CCDC148: variants seen among roughly 807,000 people sequenced by gnomAD.
The protein encoded by CCDC148 is coiled-coil domain-containing protein 148.
In CCDC148, 89 loss-of-function variants were observed where a neutral mutation model predicts 85.7. The observed-to-expected ratio is 1.04, with a 90% confidence interval of 0.87 to 1.24. CCDC148 has a LOEUF of 1.24. Among genes scored for constraint, CCDC148 ranks in the 50% most tolerant of loss-of-function variants. CCDC148 has a pLI of 0.00. For missense variants in CCDC148, 692 were observed against 671.7 expected (o/e 1.03, Z -0.33); for synonymous variants, 230 against 213.9 (o/e 1.08, Z -0.66).
intron 8 of CCDC148, 121 bp from the exon 9 acceptor site, chr2:158,309,760 A>C: frequency 1.3e-6 from 1 of 768,978 alleles, no homozygotes; most frequent in Non-Finnish European, 2.0e-6. Flanking sequence ...ACTGGGGACA[A>C]ATATTTAATC....
chr2:158,293,978 C>G (rs1691027933), intron 9 of CCDC148, among the ~76,000 whole-genome samples: 1 of 33,264 alleles, frequency 3.0e-5, no homozygotes, highest in African/African-American at 1.9e-4. Context: ...CCCTCCCCCC[C>G]CCCCTCCCTC....
chr2:158,293,668 C>G (rs1180686474), intron 9 of CCDC148, among the ~76,000 whole-genome samples: 1 of 152,100 alleles, frequency 6.6e-6, no homozygotes, highest in African/African-American at 2.4e-5. Flanking sequence ...AGATAATAAG[C>G]CACAGAATCT....
chr2:158,441,234 T>C (rs992240189), intron 1 of CCDC148, among the ~76,000 whole-genome samples: 1 of 152,198 alleles, frequency 6.6e-6, no homozygotes, highest in Non-Finnish European at 1.5e-5. Context: ...TTGGACAAAC[T>C]AGAGAGATTT....
chr2:158,341,563 C>T (rs993073859), intron 3 of CCDC148, among the ~76,000 whole-genome samples: 12 of 152,098 alleles, frequency 7.9e-5, no homozygotes, highest in Non-Finnish European at 1.5e-4. Context: ...GATCCGCCCA[C>T]CTTGGCCTCC....
intron 9 of CCDC148, among the ~76,000 whole-genome samples, chr2:158,306,358 T>TA (rs891772792): frequency 1.3e-3 from 185 of 147,858 alleles, no homozygotes; most frequent in East Asian, 2.0e-3. Flanking sequence ...CCATCTCTAC[T>TA]AAAAAAAAAA....
chr2:158,376,991 G>C (rs1336890464), intron 1 of CCDC148, among the ~76,000 whole-genome samples: 1 of 151,968 alleles, frequency 6.6e-6, no homozygotes, highest in Admixed American at 6.6e-5. Context: ...GAGGAGAGGG[G>C]CTGAATGGGG....
chr2:158,195,618 A>G (rs1444939002), intron 11 of CCDC148, among the ~76,000 whole-genome samples: 1 of 152,110 alleles, frequency 6.6e-6, no homozygotes, highest in East Asian at 1.9e-4. Context: ...TTGGTCACAG[A>G]CCACTCAGGA....
intron 9 of CCDC148, among the ~76,000 whole-genome samples, chr2:158,274,456 G>A (rs1689835003): frequency 6.6e-6 from 1 of 152,092 alleles, no homozygotes; most frequent in Non-Finnish European, 1.5e-5. Flanking sequence ...CAAGCAACTG[G>A]CCAATGTGTC....
At position 158,172,457 on chromosome 2, in the gene CCDC148, T is replaced by C. The variant is rs561904067; in HGVS notation, c.1630-198A>G. ...ATCACTTTTCAGTACATCAGTGGTT[T>C]CCCATGTAGGGTATATAGAACATAG... On this transcript the variant is annotated intron_variant, in intron 13 of 13. Coordinates refer to ENST00000283233, the MANE Select transcript of CCDC148 (RefSeq NM_138803.4). Among the ~76,000 whole-genome samples the C allele has an allele frequency of 2.6e-5, 4 of 152,124 alleles. No individual in the cohort carries two copies. The South Asian group carries it at 8.3e-4, about 32-fold the overall frequency.
intron 11 of CCDC148, among the ~76,000 whole-genome samples, chr2:158,187,831 C>T (rs1292863226): frequency 2.0e-5 from 3 of 152,006 alleles, no homozygotes; most frequent in African/African-American, 7.2e-5. Flanking sequence ...CTGCAGCCTC[C>T]ACCTCCCTCA....
At chr2:158,288,544 A>T (rs1403898603) in intron 9 of CCDC148, 1 of 154,518 alleles carries the variant, frequency 6.5e-6, no homozygotes, top group Non-Finnish European at 1.4e-5. Flanking sequence ...TCTTTGCTCC[A>T]GTTCCCAATA....
At chr2:158,346,784 A>C (rs1683017048) in intron 2 of CCDC148, among the ~76,000 whole-genome samples, 1 of 152,206 alleles carries the variant, frequency 6.6e-6, no homozygotes, top group African/African-American at 2.4e-5. Flanking sequence ...TCAGAAGACA[A>C]GTTCTAAAAA....
chr2:158,280,469 T>A (rs976170547), intron 9 of CCDC148, among the ~76,000 whole-genome samples: 5 of 151,980 alleles, frequency 3.3e-5, no homozygotes, highest in Non-Finnish European at 7.4e-5. Context: ...AAGGCAGGGG[T>A]TGCAATCCTA....
chr2:158,439,663 A>G (rs1687845939), intron 1 of CCDC148, among the ~76,000 whole-genome samples: 1 of 152,162 alleles, frequency 6.6e-6, no homozygotes, highest in East Asian at 1.9e-4. Context: ...ACATGACATT[A>G]GCCATGTATA....
At chr2:158,280,264 T>A (rs1690208217) in intron 9 of CCDC148, among the ~76,000 whole-genome samples, 1 of 152,162 alleles carries the variant, frequency 6.6e-6, no homozygotes, top group Non-Finnish European at 1.5e-5. Flanking sequence ...AGGTTCAAAT[T>A]CACACATAAC....
At chr2:158,287,112 G>A (rs1040628053) in intron 9 of CCDC148, among the ~76,000 whole-genome samples, 7 of 152,100 alleles carry the variant, frequency 4.6e-5, no homozygotes, top group Admixed American at 3.3e-4. Context: ...CAGATCTTGT[G>A]AGACTTATTC....
chr2:158,353,047 C>T (rs1300468204), intron 2 of CCDC148, among the ~76,000 whole-genome samples: 7 of 151,432 alleles, frequency 4.6e-5, no homozygotes, highest in Non-Finnish European at 1.0e-4. Flanking sequence ...GTCACCACCA[C>T]GCCTGCCCTA....
chr2:158,391,495 T>G (rs1218868407), intron 1 of CCDC148, among the ~76,000 whole-genome samples: 1 of 152,168 alleles, frequency 6.6e-6, no homozygotes, highest in Non-Finnish European at 1.5e-5. Flanking sequence ...ATTAAAATAT[T>G]AGAAAAATGA....
chr2:158,210,890 C>T (rs1194031359), intron 11 of CCDC148, among the ~76,000 whole-genome samples: 3 of 143,756 alleles, frequency 2.1e-5, no homozygotes, highest in Admixed American at 1.4e-4. Context: ...ATCTGGGAGG[C>T]GGAGCTTGCA....
Sources: allele counts gnomAD v4.1 joint callset (sites outside exome capture counted in the v4.1 genomes callset), GRCh38; gene constraint gnomAD v4.1.1; transcripts MANE v1.5; gene names NCBI Gene and HGNC (gene_info 2026-07-23, HGNC 2026-07-21).